The following PARN variants were observed in gnomAD, a reference collection of about 807,000 sequenced individuals.
PARN encodes poly(A)-specific ribonuclease PARN.
In PARN, 71 loss-of-function variants were observed where a neutral mutation model predicts 102.8. The ratio of observed to expected loss-of-function variants is 0.69; its 90% CI spans 0.57 to 0.84. The LOEUF (loss-of-function observed/expected upper bound fraction) is 0.84, where lower values mean the gene tolerates loss of function less well. PARN is among the 40% of genes least tolerant of loss of function. The pLI is 0.00. For missense variants in PARN, 782 were observed against 760.9 expected (o/e 1.03, Z -0.33); for synonymous variants, 261 against 252.9 (o/e 1.03, Z -0.30).
At chr16:14,448,956 T>TCCTG (rs1340816682) in intron 22 of PARN, among the ~76,000 whole-genome samples, 2 of 152,196 alleles carry the variant, frequency 1.3e-5, no homozygotes, top group African/African-American at 2.4e-5. Context: ...GTTTCCTGTT[T>TCCTG]AAAAACTGGT....
At chr16:14,570,430 T>G (rs1281829092) in intron 18 of PARN, among the ~76,000 whole-genome samples, 1 of 142,868 alleles carries the variant, frequency 7.0e-6, no homozygotes, top group African/African-American at 2.6e-5. Context: ...AGGCGGCGGA[T>G]CATGAGGTCA....
At chr16:14,452,782 G>A (rs1045165542) in intron 22 of PARN, among the ~76,000 whole-genome samples, 2 of 152,164 alleles carry the variant, frequency 1.3e-5, no homozygotes, top group Admixed American at 6.5e-5. Context: ...TAATGTTTCT[G>A]TATCTATATG....
rs1969706923 is a variant in PARN at position 14,584,295 on chromosome 16, C to T, written c.1081+52G>A. The T allele has an allele frequency of 2.4e-6, 3 of 1,268,042 alleles. No individual in the cohort carries two copies. The African/African-American group carries it at 4.4e-5, about 19-fold the overall frequency. 78.5% of individuals were successfully genotyped at this position (1,268,042 alleles called of 1,614,324 possible). ...CATTCTGCTTTTCTTCTACAATATA[C>T]ATCAATAATTATTACAAAGAGTTTG... On this transcript the variant is annotated intron_variant, in intron 16 of 23. Transcript: ENST00000437198.
intron 10 of PARN, among the ~76,000 whole-genome samples, 196 bp from the exon 11 acceptor site, chr16:14,604,422 G>A (rs1251105755): frequency 2.0e-5 from 3 of 151,056 alleles, no homozygotes; most frequent in African/African-American, 4.9e-5. Flanking sequence ...CACCACACCC[G>A]GCTAATTTTT....
At chr16:14,576,714 G>A (rs1356073872) in intron 18 of PARN, among the ~76,000 whole-genome samples, 1 of 152,220 alleles carries the variant, frequency 6.6e-6, no homozygotes, top group Non-Finnish European at 1.5e-5. Flanking sequence ...CACACAGGCT[G>A]TCATTAGCAG....
intron 21 of PARN, among the ~76,000 whole-genome samples, chr16:14,536,762 A>C (rs1279455463): frequency 6.6e-6 from 1 of 152,240 alleles, no homozygotes; most frequent in Non-Finnish European, 1.5e-5. Context: ...TAATTAAAAA[A>C]GCAGATCCAA....
intron 16 of PARN, among the ~76,000 whole-genome samples, chr16:14,583,742 C>A (rs932170514): frequency 6.6e-6 from 1 of 152,136 alleles, no homozygotes; most frequent in African/African-American, 2.4e-5. Flanking sequence ...CGCTAATCAC[C>A]GTATCAGCAG....
chr16:14,536,811 T>C (rs1388904805), intron 21 of PARN, among the ~76,000 whole-genome samples: 1 of 152,112 alleles, frequency 6.6e-6, no homozygotes, highest in Non-Finnish European at 1.5e-5. Flanking sequence ...GTATTAAAAA[T>C]GTTAAACATA....
intron 18 of PARN, among the ~76,000 whole-genome samples, chr16:14,567,627 A>G (rs1353432364): frequency 6.6e-6 from 1 of 152,236 alleles, no homozygotes; most frequent in Non-Finnish European, 1.5e-5. Context: ...CCAGCCAATA[A>G]GAAAGAAGGG....
intron 21 of PARN, among the ~76,000 whole-genome samples, chr16:14,531,927 G>A (rs912080231): frequency 8.6e-5 from 13 of 151,360 alleles, no homozygotes; most frequent in African/African-American, 2.7e-4. Context: ...GGCAGGCATG[G>A]TTGCATGCAC....
chr16:14,518,040 G>C (rs935071960), intron 21 of PARN, among the ~76,000 whole-genome samples: 1 of 151,738 alleles, frequency 6.6e-6, no homozygotes, highest in South Asian at 2.1e-4. Context: ...AAAAATAATC[G>C]ATAATGAAAA....
chr16:14,540,973 A>G (rs1160973008), intron 21 of PARN, among the ~76,000 whole-genome samples: 1 of 151,958 alleles, frequency 6.6e-6, no homozygotes, highest in East Asian at 1.9e-4. Context: ...AAAAAAATAG[A>G]TGCCATAAGG....
intron 6 of PARN, among the ~76,000 whole-genome samples, chr16:14,611,770 A>G (rs1435018464): frequency 6.6e-6 from 1 of 152,024 alleles, no homozygotes; most frequent in Admixed American, 6.6e-5. Flanking sequence ...CGAACTCCAG[A>G]CCTCACCGCC....
At position 14,629,999 on chromosome 16, in the gene PARN, G is replaced by C. The variant is rs369091621; in HGVS notation, c.19+108C>G. On this transcript the variant is annotated intron_variant, in intron 1 of 23. Transcript: ENST00000437198. ...GCTTAAGGAGGGAAAAGCCCTGAGG[G>C]GCTGCCTCAGCCCCAGGCCCAGCCA... 103 of 1,014,232 alleles carry C rather than the reference G, an allele frequency of 1.0e-4. 1 individual carries two copies. In the East Asian group the frequency reaches 1.6e-3, roughly 15 times the overall value. The allele number at this position is 1,014,232 out of a possible 1,614,324, so 62.8% of individuals were successfully genotyped here. A position where few individuals can be genotyped will look rare whatever the true frequency, so the allele number is the denominator to read the frequency against.
At chr16:14,548,009 C>T (rs1417282139) in intron 21 of PARN, among the ~76,000 whole-genome samples, 6 of 152,064 alleles carry the variant, frequency 3.9e-5, no homozygotes, top group Admixed American at 2.6e-4. Context: ...CTTTGGAAGG[C>T]CGAAGAGTGC....
chr16:14,629,741 A>G, intron 1 of PARN, 67 bp from the exon 2 acceptor site: 1 of 1,164,328 alleles, frequency 8.6e-7, no homozygotes, highest in Non-Finnish European at 1.3e-6. Flanking sequence ...AGAGGGAAGG[A>G]GGGCCGAGGA....
intron 19 of PARN, among the ~76,000 whole-genome samples, chr16:14,554,752 T>A (rs1172753443): frequency 6.6e-6 from 1 of 151,708 alleles, no homozygotes. Context: ...CTGTGCAAAT[T>A]ATTTAGAAGA....
chr16:14,482,945 A>C, intron 21 of PARN, 118 bp from the exon 22 acceptor site: 1 of 730,396 alleles, frequency 1.4e-6, no homozygotes, highest in Non-Finnish European at 2.1e-6. Flanking sequence ...CTGAGGTCTG[A>C]CCCTTGGCTC....
chr16:14,511,610 C>T (rs1965193032), intron 21 of PARN, among the ~76,000 whole-genome samples: 1 of 152,112 alleles, frequency 6.6e-6, no homozygotes, highest in South Asian at 2.1e-4. Flanking sequence ...TCTTCTCTGC[C>T]TCCTAAATTA....
Sources: gnomAD v4.1 joint callset for allele counts (sites outside exome capture counted in the v4.1 genomes callset) on GRCh38, gnomAD v4.1.1 for gene constraint, MANE v1.5 for transcripts, NCBI Gene and HGNC (gene_info 2026-07-23, HGNC 2026-07-21) for gene names.